Variants in KYAT3 observed in about 807,000 individuals in gnomAD.
KYAT3 encodes kynurenine aminotransferase 3.
KYAT3 carries 50 observed loss-of-function variants against 59.0 expected under a neutral mutation model. The observed-to-expected ratio is 0.85, with a 90% CI of 0.68 to 1.07. The LOEUF is 1.07. KYAT3 is among the 50% of genes least tolerant of loss of function. The pLI is 0.00. For synonymous variants in KYAT3, 148 were observed against 177.0 expected (o/e 0.84, Z 1.30); for missense variants, 497 against 533.3 (o/e 0.93, Z 0.67).
chr1:88,956,500 A>G lies in KYAT3; in HGVS notation c.788-1275T>C, dbSNP rs187676928. Among the ~76,000 whole-genome samples, 974 of 152,334 alleles carry G rather than the reference A, an allele frequency of 6.4e-3. 7 individuals carry two copies. The highest frequency in any genetic ancestry group is 0.034 in the Middle Eastern group (10 of 294). ...TAAGGTCTAGAGGAACCAAAAATGA[A>G]TAAGATGCAATTCTTCAAAAAATTT... is the stretch of plus-strand genomic sequence containing the variant. On this transcript the variant is annotated intron_variant, in intron 8 of 13. Transcript: ENST00000260508.
At chr1:88,925,880 T>G in the KYAT3 span, among the ~76,000 whole-genome samples, 1 of 152,220 alleles carries the variant, frequency 6.6e-6, no homozygotes, top group Non-Finnish European at 1.5e-5. Context: ...CTATGATTGA[T>G]AATTGAAGGT....
Position 88,983,521 on chromosome 1 carries a change from A to G in KYAT3, c.99+4731T>C, listed in dbSNP as rs369952109. 43 of 1,613,750 alleles carry G rather than the reference A, an allele frequency of 2.7e-5. No individual in the cohort carries two copies. The African/African-American group carries it at 5.1e-4, about 19-fold the overall frequency. ...CTCCAAAACCTCTTGGAGGACCTCT[A>G]CTTCTTGGAGGTGGGGGCGGTCCAT... On this transcript the variant is annotated intron_variant, in intron 2 of 13. Transcript: ENST00000260508.
At chr1:88,964,643 C>G (rs759627560) in intron 5 of KYAT3, 186 bp downstream of exon 5, 2 of 574,042 alleles carry the variant, frequency 3.5e-6, no homozygotes, top group South Asian at 3.6e-5. Flanking sequence ...TGTAGTTGCA[C>G]AGAAATTTAC....
downstream of KYAT3, among the ~76,000 whole-genome samples, chr1:88,933,642 G>C (rs1234772998): frequency 2.0e-5 from 3 of 152,204 alleles, no homozygotes; most frequent in Admixed American, 6.5e-5. Context: ...AGGTCCAAGA[G>C]CATAGACTGA....
chr1:88,992,382 T>TC (rs1464370295), intron 1 of KYAT3, among the ~76,000 whole-genome samples: 1 of 151,984 alleles, frequency 6.6e-6, no homozygotes, highest in East Asian at 1.9e-4. Flanking sequence ...TCTAGGGGAT[T>TC]CCCCCCTGGA....
intron 11 of KYAT3, among the ~76,000 whole-genome samples, chr1:88,947,320 C>G (rs1675482372): frequency 6.6e-6 from 1 of 152,220 alleles, no homozygotes; most frequent in Admixed American, 6.5e-5. Flanking sequence ...AGATCCCACT[C>G]TCTCTCTGTT....
chr1:88,959,470 G>A (rs958245110), intron 8 of KYAT3, among the ~76,000 whole-genome samples: 1 of 150,720 alleles, frequency 6.6e-6, no homozygotes, highest in Non-Finnish European at 1.5e-5. Context: ...CTACTTGGGA[G>A]CCTGAGGCAG....
chr1:88,977,232 G>A (rs974819685), intron 2 of KYAT3, among the ~76,000 whole-genome samples: 37 of 151,342 alleles, frequency 2.4e-4, no homozygotes, highest in African/African-American at 7.5e-4. Flanking sequence ...ACGACGTTTC[G>A]CTCTTGTTGC....
intron 2 of KYAT3, among the ~76,000 whole-genome samples, chr1:88,977,038 G>T (rs1265710653): frequency 2.0e-5 from 3 of 152,056 alleles, no homozygotes; most frequent in Middle Eastern, 3.4e-3. Context: ...TTTTTGAGAC[G>T]GAGTCTCACT....
chr1:88,936,356 G>T, intron 13 of KYAT3, 111 bp from the exon 14 acceptor site: 1 of 817,990 alleles, frequency 1.2e-6, no homozygotes, highest in Non-Finnish European at 1.9e-6. Context: ...CTGATCTCAA[G>T]TGAAGAAAAA....
the KYAT3 span, among the ~76,000 whole-genome samples, chr1:88,927,472 C>G: frequency 6.6e-6 from 1 of 152,126 alleles, no homozygotes; most frequent in Non-Finnish European, 1.5e-5. Context: ...CATTAAGAGA[C>G]AACTGGCAAT....
chr1:88,955,648 T>A (rs530520044), intron 8 of KYAT3, among the ~76,000 whole-genome samples: 13 of 152,266 alleles, frequency 8.5e-5, no homozygotes, highest in Admixed American at 6.5e-4. Context: ...GCCCCTTTAT[T>A]TTGCCTATTT....
chr1:88,949,756 T>C (rs1487772698), intron 10 of KYAT3, among the ~76,000 whole-genome samples: 5 of 152,216 alleles, frequency 3.3e-5, no homozygotes, highest in Non-Finnish European at 5.9e-5. Context: ...GCTGGAATTA[T>C]TCATATGCCA....
chr1:88,926,266 G>T, the KYAT3 span, among the ~76,000 whole-genome samples: 1 of 152,176 alleles, frequency 6.6e-6, no homozygotes, highest in African/African-American at 2.4e-5. Context: ...CCTAACAGGG[G>T]ATTTAAATCT....
chr1:88,948,542 T>C (rs1178945077), intron 11 of KYAT3, among the ~76,000 whole-genome samples: 1 of 152,210 alleles, frequency 6.6e-6, no homozygotes, highest in African/African-American at 2.4e-5. Context: ...GGGAAGCTAT[T>C]TAAAACTTTC....
intron 2 of KYAT3, chr1:88,983,855 T>C (rs968373226): frequency 6.3e-7 from 1 of 1,598,564 alleles, no homozygotes; most frequent in East Asian, 2.2e-5. Context: ...GTCGGAGGGG[T>C]GACAGTGGGT....
chr1:88,960,405 T>C (rs1676095497), intron 8 of KYAT3, among the ~76,000 whole-genome samples: 1 of 152,062 alleles, frequency 6.6e-6, no homozygotes, highest in Non-Finnish European at 1.5e-5. Flanking sequence ...ATCCCTCCAT[T>C]ACTGTGGTTT....
intron 4 of KYAT3, among the ~76,000 whole-genome samples, 177 bp from the exon 5 acceptor site, chr1:88,965,155 G>A (rs1676298679): frequency 6.6e-6 from 1 of 152,082 alleles, no homozygotes; most frequent in Non-Finnish European, 1.5e-5. Flanking sequence ...TACATTTAGA[G>A]TATTCCCACA....
intron 4 of KYAT3, among the ~76,000 whole-genome samples, chr1:88,967,259 C>T (rs1162976453): frequency 6.6e-6 from 1 of 151,878 alleles, no homozygotes; most frequent in African/African-American, 2.4e-5. Flanking sequence ...TACCCTGATA[C>T]AAAACCCCTG....
Sources: gnomAD v4.1 joint callset for allele counts (sites outside exome capture counted in the v4.1 genomes callset) on GRCh38, gnomAD v4.1.1 for gene constraint, MANE v1.5 for transcripts, NCBI Gene and HGNC (gene_info 2026-07-23, HGNC 2026-07-21) for gene names.